CPNE5: variants seen among roughly 807,000 people sequenced by gnomAD.
CPNE5 encodes copine-5.
In CPNE5, 42 loss-of-function variants were observed where a neutral mutation model predicts 81.1. That is an observed-to-expected ratio of 0.52 (90% CI 0.40 to 0.67). CPNE5 has a LOEUF of 0.67. Among genes scored for constraint, CPNE5 ranks in the 30% least tolerant of loss-of-function variants. CPNE5 has a pLI of 0.00. For missense variants in CPNE5, 612 were observed against 815.5 expected (o/e 0.75, Z 3.04); for synonymous variants, 313 against 321.5 (o/e 0.97, Z 0.28).
At chr6:36,802,582 A>C (rs1029808969) in intron 3 of CPNE5, among the ~76,000 whole-genome samples, 1 of 147,672 alleles carries the variant, frequency 6.8e-6, no homozygotes, top group Non-Finnish European at 1.5e-5. Context: ...AAATATTTTA[A>C]ATGGGCATTA....
At chr6:36,772,573 G>C (rs1383113395) in intron 10 of CPNE5, among the ~76,000 whole-genome samples, 1 of 152,234 alleles carries the variant, frequency 6.6e-6, no homozygotes, top group Non-Finnish European at 1.5e-5. Flanking sequence ...AGGCGACCCT[G>C]TTCGTTTAAA....
chr6:36,821,608 C>T (rs190393826), intron 3 of CPNE5, among the ~76,000 whole-genome samples: 2 of 152,018 alleles, frequency 1.3e-5, no homozygotes, highest in Admixed American at 6.6e-5. Context: ...TGGAAAAGGG[C>T]GTCATCCTGG....
intron 10 of CPNE5, among the ~76,000 whole-genome samples, chr6:36,769,966 C>T (rs1472783316): frequency 6.6e-6 from 1 of 152,244 alleles, no homozygotes; most frequent in Non-Finnish European, 1.5e-5. Context: ...TTAAAATCTA[C>T]TCATTCAGCA....
intron 1 of CPNE5, 21 bp from the exon 2 acceptor site, chr6:36,823,119 AG>A: frequency 6.5e-7 from 1 of 1,549,948 alleles, no homozygotes; most frequent in Admixed American, 1.8e-5. Flanking sequence ...GGGAGAGAGG[AG>A]GGGTTAGCAC....
chr6:36,743,284 A>T (rs1415592655), intron 20 of CPNE5: 3 of 959,258 alleles, frequency 3.1e-6, no homozygotes, highest in Admixed American at 6.2e-5. Flanking sequence ...CCGTTCATGG[A>T]GATGCTTACA....
intron 3 of CPNE5, among the ~76,000 whole-genome samples, chr6:36,804,272 T>C (rs1182060808): frequency 6.6e-6 from 1 of 152,198 alleles, no homozygotes; most frequent in Non-Finnish European, 1.5e-5. Flanking sequence ...CAAGCATTTG[T>C]ACAAGTCCCA....
At chr6:36,827,805 A>G in intron 1 of CPNE5, 2 of 953,676 alleles carry the variant, frequency 2.1e-6, no homozygotes, top group Non-Finnish European at 2.5e-6. Context: ...CCAGACCACA[A>G]GTACTTTTTC....
intron 1 of CPNE5, among the ~76,000 whole-genome samples, chr6:36,833,350 C>G (rs1293424262): frequency 6.6e-6 from 1 of 152,214 alleles, no homozygotes; most frequent in Non-Finnish European, 1.5e-5. Context: ...CTCCAAGATT[C>G]CAGTCTCGTG....
chr6:36,764,085 C>G (rs1253709484), intron 11 of CPNE5, among the ~76,000 whole-genome samples: 1 of 122,758 alleles, frequency 8.1e-6, no homozygotes, highest in African/African-American at 2.9e-5. Context: ...GCCCCACCCC[C>G]CCACCCCCCA....
chr6:36,808,160 G>T (rs1295323204), intron 3 of CPNE5, among the ~76,000 whole-genome samples: 1 of 151,550 alleles, frequency 6.6e-6, no homozygotes, highest in Non-Finnish European at 1.5e-5. Context: ...GCGCGATCTT[G>T]GCTCACTGCA....
chr6:36,762,367 T>C (rs538458837), intron 12 of CPNE5, among the ~76,000 whole-genome samples: 1 of 150,588 alleles, frequency 6.6e-6, no homozygotes, highest in East Asian at 1.9e-4. Flanking sequence ...CACACACACA[T>C]GCAGACATTG....
chr6:36,771,942 G>A (rs1767072795), intron 10 of CPNE5, among the ~76,000 whole-genome samples: 1 of 152,246 alleles, frequency 6.6e-6, no homozygotes, highest in South Asian at 2.1e-4. Flanking sequence ...GGACATGGGG[G>A]AGGGCCATCC....
At chr6:36,754,731 C>T (rs774848815) in intron 13 of CPNE5, 10 of 152,260 alleles carry the variant, frequency 6.6e-5, no homozygotes, top group Admixed American at 2.6e-4. Flanking sequence ...GTTTCTTCGT[C>T]TCTAAAGTAA....
At chr6:36,762,128 T>C (rs2150410903) in intron 12 of CPNE5, among the ~76,000 whole-genome samples, 1 of 151,014 alleles carries the variant, frequency 6.6e-6, no homozygotes, top group South Asian at 2.1e-4. Flanking sequence ...TGGTGCGTGC[T>C]TGTGGTCCCA....
intron 1 of CPNE5, among the ~76,000 whole-genome samples, chr6:36,828,021 T>C (rs1772655473): frequency 6.6e-6 from 1 of 151,962 alleles, no homozygotes; most frequent in African/African-American, 2.4e-5. Flanking sequence ...CATTTCCAAT[T>C]CAGTGGCAGT....
At chr6:36,742,624 C>T (rs1378388954) in intron 20 of CPNE5, 138 bp from the exon 21 acceptor site, 1 of 1,442,708 alleles carries the variant, frequency 6.9e-7, no homozygotes, top group East Asian at 2.5e-5. Flanking sequence ...TTCTGAATTA[C>T]CTGAGGGACT....
At position 36,744,325 on chromosome 6, in the gene CPNE5, C is replaced by T; in HGVS notation, c.1432G>A (p.Ala478Thr). The T allele has an allele frequency of 6.3e-7, 1 of 1,580,862 alleles. No individual in the cohort carries two copies. Among genetic ancestry groups the T allele is most frequent in the Non-Finnish European group, 8.6e-7 (1 of 1,163,736 alleles). ...MAQTKEAIVN[A>T]AKLPMSIIIV... ...ATGATGGACATGGGGAGCTTGGCAG[C>T]CTGGGAGACAGCATGGGGGGCAGGG... The change falls in exon 19 of 21, where the codon GCT becomes ACT. Residue 478 changes from alanine (A) to threonine (T), a missense_variant and splice_region_variant. Ala to Thr is a moderately conservative substitution (Grantham distance 58). Coordinates refer to ENST00000244751, the MANE Select transcript of CPNE5 (RefSeq NM_020939.2).
At chr6:36,752,132 C>T (rs78800103) in intron 14 of CPNE5, among the ~76,000 whole-genome samples, 12,455 of 152,152 alleles carry the variant, frequency 0.082, 633 homozygotes, top group Non-Finnish European at 0.11. Context: ...TGACTTCTCC[C>T]TCTGCCCTGG....
chr6:36,801,613 A>G (rs904186307), intron 3 of CPNE5, among the ~76,000 whole-genome samples: 1 of 152,224 alleles, frequency 6.6e-6, no homozygotes, highest in South Asian at 2.1e-4. Flanking sequence ...ACAATAGACT[A>G]TCATTCAGCC....
Sources: allele counts gnomAD v4.1 joint callset (sites outside exome capture counted in the v4.1 genomes callset), GRCh38; gene constraint gnomAD v4.1.1; transcripts MANE v1.5; gene names NCBI Gene and HGNC (gene_info 2026-07-23, HGNC 2026-07-21).